The following SLIT1 variants were observed in gnomAD, a reference collection of about 807,000 sequenced individuals.
SLIT1 encodes slit guidance ligand 1.
A neutral mutation model predicts 186.1 loss-of-function variants in SLIT1; 66 were observed. The ratio of observed to expected loss-of-function variants is 0.35; its 90% CI spans 0.29 to 0.44. The LOEUF (loss-of-function observed/expected upper bound fraction) is 0.44, where lower values mean the gene tolerates loss of function less well. Ranked by LOEUF, SLIT1 falls within the 20% of genes least tolerant of loss-of-function variation. The probability of loss-of-function intolerance (pLI) is 1.00; values close to 1 mark genes in which losing one functional copy is unlikely to be tolerated. For synonymous variants in SLIT1, 761 were observed against 833.8 expected (o/e 0.91, Z 1.50); for missense variants, 1,638 against 2,037.4 (o/e 0.80, Z 3.77).
rs753599969 is a variant in SLIT1, at chr10:97,060,652, G to T, written c.929C>A (p.Thr310Asn). 6.2e-7 allele frequency: 1 copy of T among 1,613,092 alleles called. No homozygotes were observed. Among genetic ancestry groups the T allele is most frequent in the African/African-American group, 1.3e-5 (1 of 75,052 alleles). The change falls in exon 9 of 37, where the codon ACC (threonine) becomes AAC (asparagine). Residue 310 changes from threonine (T) to asparagine (N), a missense_variant. This residue lies in a region of SLIT1 where 1,245 missense variants were observed against 1,535.3 expected (regional missense o/e 0.81). Transcript: ENST00000266058. ...GCCCCGTACTCACATCTCCGTCATG[G>T]TCTCGGGCAGGTTGGCCGGGATGGC... is the stretch of plus-strand genomic sequence containing the variant. ...LTAIPANLPE[T>N]MTEIRLELNG... is the part of the protein sequence containing the mutation.
intron 4 of SLIT1, among the ~76,000 whole-genome samples, chr10:97,098,157 GAAT>G (rs1849310789): frequency 1.3e-5 from 2 of 152,208 alleles, no homozygotes; most frequent in Admixed American, 6.5e-5. Flanking sequence ...GTTGTGCAGG[GAAT>G]GTGAACGTGC....
intron 4 of SLIT1, among the ~76,000 whole-genome samples, chr10:97,101,849 C>T (rs757800143): frequency 1.2e-4 from 18 of 152,234 alleles, no homozygotes; most frequent in Non-Finnish European, 2.2e-4. Flanking sequence ...ATATCTCTCC[C>T]ATGGTCTGAT....
intron 2 of SLIT1, among the ~76,000 whole-genome samples, chr10:97,164,466 T>C (rs1030477558): frequency 6.6e-6 from 1 of 152,106 alleles, no homozygotes; most frequent in African/African-American, 2.4e-5. Context: ...GTTGGGGGTT[T>C]CTGGAGCAGA....
intron 4 of SLIT1, among the ~76,000 whole-genome samples, chr10:97,145,786 G>A (rs527481747): frequency 2.0e-5 from 3 of 152,256 alleles, no homozygotes; most frequent in Non-Finnish European, 2.9e-5. Flanking sequence ...CAAAGATAAG[G>A]CTTCTCCAAG....
chr10:97,112,149 C>T (rs990983067), intron 4 of SLIT1, among the ~76,000 whole-genome samples: 1 of 152,190 alleles, frequency 6.6e-6, no homozygotes, highest in Non-Finnish European at 1.5e-5. Context: ...CTCTCTTGGC[C>T]TAGCTAAGGT....
rs553395124 is a variant in SLIT1, at chr10:97,183,054, T to C, written c.197+2424A>G. The stretch of plus-strand genomic sequence containing the variant: ...ATGTGCTGGGCCTGGAGCCCAGCTG[T>C]TCCCTCTGCCTAGATTGCCTGCCCT... On this transcript the variant is annotated intron_variant, in intron 1 of 36. Coordinates refer to ENST00000266058, the MANE Select transcript of SLIT1 (RefSeq NM_003061.3). Among the ~76,000 whole-genome samples the C allele has an allele frequency of 2.6e-5, 4 of 151,984 alleles. No individual in the cohort carries two copies. In the South Asian group the frequency reaches 8.3e-4, roughly 32 times the overall value.
intron 36 of SLIT1, 94 bp downstream of exon 36, chr10:97,002,064 C>T (rs1332498537): frequency 3.7e-6 from 3 of 819,462 alleles, no homozygotes; most frequent in Non-Finnish European, 5.6e-6. Flanking sequence ...TGGGAAGGGA[C>T]AGAAGGGCTG....
At chr10:97,055,695 T>C (rs948720373) in intron 13 of SLIT1, among the ~76,000 whole-genome samples, 3 of 152,238 alleles carry the variant, frequency 2.0e-5, no homozygotes, top group African/African-American at 7.2e-5. Context: ...AATCTGCTTA[T>C]AATTTTCCAC....
chr10:97,183,075 G>A (rs11189023), intron 1 of SLIT1, among the ~76,000 whole-genome samples: 1 of 151,928 alleles, frequency 6.6e-6, no homozygotes, highest in Non-Finnish European at 1.5e-5. Context: ...TAGATTGCCT[G>A]CCCTCTGTGC....
chr10:97,185,127 T>C (rs754851298), intron 1 of SLIT1, among the ~76,000 whole-genome samples: 7 of 152,172 alleles, frequency 4.6e-5, no homozygotes, highest in Non-Finnish European at 7.4e-5. Context: ...GTGGGAAGTG[T>C]CCCTCCTGGG....
intron 4 of SLIT1, among the ~76,000 whole-genome samples, chr10:97,070,292 G>C (rs1438571490): frequency 6.6e-6 from 1 of 152,232 alleles, no homozygotes; most frequent in Admixed American, 6.5e-5. Context: ...ATCCAGCGTT[G>C]CTTTGAGGCA....
chr10:97,018,136 C>T lies in SLIT1; in HGVS notation c.2969+450G>A, dbSNP rs184542715. Among the ~76,000 whole-genome samples the T allele has an allele frequency of 2.1e-3, 325 of 152,252 alleles. 3 individuals are homozygous for T. Among genetic ancestry groups the T allele is most frequent in the East Asian group, 0.012 (62 of 5,180 alleles). ...TGTTGGGATTACAGGAGTGAGCCAC[C>T]GAGCACGGCCTGAATGGAAATTTAT... On this transcript the variant is annotated intron_variant, in intron 28 of 36. Transcript: ENST00000266058.
Position 97,184,149 on chromosome 10 carries a change from T to C in SLIT1, c.197+1329A>G, listed in dbSNP as rs1850379881. Reference sequence around the variant, plus strand: ...AGCCAAGAAGAGTCTGGGGCAAATGTGTGCTCACTAATTGCTGGCCTTGGT... The same window carrying C: ...AGCCAAGAAGAGTCTGGGGCAAATGCGTGCTCACTAATTGCTGGCCTTGGT... On this transcript the variant is annotated intron_variant, in intron 1 of 36. Transcript: ENST00000266058. This position sits in a 1 kb window ranked among gnomAD's most constrained non-coding sequence, Gnocchi z 4.4. Among the ~76,000 whole-genome samples, 1 of 152,064 alleles carries C rather than the reference T, an allele frequency of 6.6e-6. No individual in the cohort carries two copies. The highest frequency in any genetic ancestry group is 6.6e-5 in the Admixed American group (1 of 15,264).
chr10:97,047,119 C>A, intron 16 of SLIT1, 54 bp from the exon 17 acceptor site: 2 of 1,164,786 alleles, frequency 1.7e-6, no homozygotes, highest in South Asian at 2.5e-5. Context: ...CATTTCAAAT[C>A]CCTTCCAAAC....
At chr10:97,061,377 A>C (rs1393447722) in intron 8 of SLIT1, among the ~76,000 whole-genome samples, 1 of 152,264 alleles carries the variant, frequency 6.6e-6, no homozygotes, top group South Asian at 2.1e-4. Flanking sequence ...GGTATAACTT[A>C]TACAAAGTGT....
chr10:97,006,254 C>T lies in SLIT1; in HGVS notation c.3579+229G>A, dbSNP rs1464652007. Among the ~76,000 whole-genome samples, 1 of 152,176 alleles carries T rather than the reference C, an allele frequency of 6.6e-6. No individual in the cohort carries two copies. Among genetic ancestry groups the T allele is most frequent in the Non-Finnish European group, 1.5e-5 (1 of 68,030 alleles). ...AGCCTGGTTTTCTGGATTCAGTTAC[C>T]CATGAGACCATGTCCACCCCTGCCC... On this transcript the variant is annotated intron_variant, in intron 32 of 36. Transcript: ENST00000266058. The surrounding 1 kb of genome is among the most constrained non-coding windows in gnomAD (Gnocchi z 4.0).
chr10:97,076,279 A>C (rs1450107261), intron 4 of SLIT1, among the ~76,000 whole-genome samples: 1 of 152,186 alleles, frequency 6.6e-6, no homozygotes, highest in Non-Finnish European at 1.5e-5. Context: ...CTCCCTGCTC[A>C]GGCCAGGGAA....
At chr10:97,096,367 T>C (rs1359055978) in intron 4 of SLIT1, among the ~76,000 whole-genome samples, 1 of 152,048 alleles carries the variant, frequency 6.6e-6, no homozygotes, top group Non-Finnish European at 1.5e-5. Context: ...CCTCTCGCCA[T>C]CACGCCCTCG....
At chr10:97,024,933 C>T (rs992410181) in intron 25 of SLIT1, among the ~76,000 whole-genome samples, 1 of 152,132 alleles carries the variant, frequency 6.6e-6, no homozygotes, top group African/African-American at 2.4e-5. Context: ...CAAAGTGACA[C>T]CTGAGATGTA....
Sources: allele counts gnomAD v4.1 joint callset (sites outside exome capture counted in the v4.1 genomes callset), GRCh38; gene constraint gnomAD v4.1.1; regional missense constraint gnomAD v4.1.1; non-coding constraint Gnocchi (gnomAD v3.1); transcripts MANE v1.5; gene names NCBI Gene and HGNC (gene_info 2026-07-23, HGNC 2026-07-21).